VRK2: variants seen among roughly 807,000 people sequenced by gnomAD.
VRK2 encodes the protein serine/threonine-protein kinase VRK2.
In VRK2, 60 loss-of-function variants were observed where a neutral mutation model predicts 57.6. The ratio of observed to expected loss-of-function variants is 1.04; its 90% CI spans 0.85 to 1.29. The LOEUF (loss-of-function observed/expected upper bound fraction) is 1.29. Among genes scored for constraint, VRK2 ranks in the 50% most tolerant of loss-of-function variants. The pLI is 0.00. For missense variants in VRK2, 705 were observed against 588.1 expected (o/e 1.20, Z -2.06); for synonymous variants, 231 against 199.2 (o/e 1.16, Z -1.35).
chr2:58,085,802 T>TG (rs1425793884), intron 4 of VRK2, among the ~76,000 whole-genome samples: 4 of 151,788 alleles, frequency 2.6e-5, no homozygotes, highest in Middle Eastern at 3.2e-3. Context: ...GCTAGAGTCA[T>TG]GAAAAAAATG....
chr2:57,923,532 T>C (rs1404829926), intron 1 of VRK2, among the ~76,000 whole-genome samples: 2 of 151,930 alleles, frequency 1.3e-5, no homozygotes, highest in African/African-American at 4.8e-5. Context: ...TGTTTTTTTT[T>C]TGAGAAATGT....
At chr2:58,082,249 G>A (rs1442729959) in intron 2 of VRK2, among the ~76,000 whole-genome samples, 4 of 151,906 alleles carry the variant, frequency 2.6e-5, no homozygotes, top group East Asian at 1.9e-4. Flanking sequence ...TAGGCAAGGA[G>A]TCAGGCCTTG....
chr2:57,977,602 C>T (rs12463540), intron 1 of VRK2, among the ~76,000 whole-genome samples: 24,302 of 146,788 alleles, frequency 0.17, 2,941 homozygotes, highest in African/African-American at 0.3. Context: ...TTGTTTATGT[C>T]CTAGGAGACT....
intron 7 of VRK2, among the ~76,000 whole-genome samples, chr2:58,102,033 AAGT>A (rs1475229699): frequency 1.3e-5 from 2 of 151,632 alleles, no homozygotes; most frequent in African/African-American, 2.4e-5. Context: ...TATAGTAACT[AAGT>A]CATTTGTAGA....
chr2:58,046,963 G>A, intron 1 of VRK2, 95 bp downstream of exon 1: 4 of 985,444 alleles, frequency 4.1e-6, no homozygotes, highest in African/African-American at 1.7e-5. Flanking sequence ...TGCCGTCGGA[G>A]TTAGATGCCG....
intron 1 of VRK2, among the ~76,000 whole-genome samples, chr2:57,945,507 G>C (rs1205680022): frequency 6.6e-6 from 1 of 152,106 alleles, no homozygotes; most frequent in Non-Finnish European, 1.5e-5. Context: ...TACCTGTAAA[G>C]TTTGCTGAGA....
At chr2:58,060,424 C>T (rs1677153228) in intron 2 of VRK2, among the ~76,000 whole-genome samples, 2 of 151,536 alleles carry the variant, frequency 1.3e-5, no homozygotes, top group Non-Finnish European at 3.0e-5. Context: ...CCTGTTAAAT[C>T]CTGAAAGAGG....
intron 10 of VRK2, 98 bp from the exon 11 acceptor site, chr2:58,139,568 T>C: frequency 9.6e-7 from 1 of 1,040,556 alleles, no homozygotes; most frequent in Non-Finnish European, 1.4e-6. Context: ...GAGATGTAAA[T>C]GTGTAAAAGA....
At chr2:58,154,792 T>C in intron 12 of VRK2, 1 of 717,672 alleles carries the variant, frequency 1.4e-6, no homozygotes, top group South Asian at 1.5e-5. Context: ...GAACCCACTA[T>C]TTTTTCTAAT....
At chr2:58,008,508 G>A (rs188452456) in intron 1 of VRK2, among the ~76,000 whole-genome samples, 2 of 151,456 alleles carry the variant, frequency 1.3e-5, no homozygotes, top group East Asian at 3.9e-4. Context: ...TTTTTCCTGT[G>A]GTTAACAAAC....
intron 1 of VRK2, among the ~76,000 whole-genome samples, chr2:58,024,522 T>G (rs1673864797): frequency 6.6e-6 from 1 of 152,134 alleles, no homozygotes; most frequent in Admixed American, 6.5e-5. Context: ...GAGAAGAAAC[T>G]CCCACTGGCT....
chr2:58,149,055 G>C (rs970458612), intron 12 of VRK2, among the ~76,000 whole-genome samples: 13 of 151,772 alleles, frequency 8.6e-5, no homozygotes, highest in Non-Finnish European at 1.5e-5. Context: ...TTGACTGGGA[G>C]TACATTAAGT....
At chr2:58,012,403 C>T (rs1177246208) in intron 1 of VRK2, among the ~76,000 whole-genome samples, 2 of 152,204 alleles carry the variant, frequency 1.3e-5, no homozygotes, top group African/African-American at 4.8e-5. Context: ...GTAACATGAG[C>T]ACCACCCTTT....
At chr2:58,132,956 A>G (rs1353220093) in intron 9 of VRK2, among the ~76,000 whole-genome samples, 1 of 152,226 alleles carries the variant, frequency 6.6e-6, no homozygotes, top group African/African-American at 2.4e-5. Context: ...TGATGTGTCC[A>G]TATTAACTTT....
chr2:57,938,253 A>G (rs1224794405), intron 1 of VRK2, among the ~76,000 whole-genome samples: 1 of 152,182 alleles, frequency 6.6e-6, no homozygotes, highest in African/African-American at 2.4e-5. Flanking sequence ...TAACATAATA[A>G]TGTTCAATAA....
intron 2 of VRK2, among the ~76,000 whole-genome samples, chr2:58,030,136 GA>G: frequency 6.6e-6 from 1 of 152,010 alleles, no homozygotes; most frequent in Non-Finnish European, 1.5e-5. Context: ...TAGATTGTCT[GA>G]GGCCTCCTTT....
chr2:58,032,564 C>A (rs1674149622), intron 2 of VRK2, among the ~76,000 whole-genome samples: 1 of 151,994 alleles, frequency 6.6e-6, no homozygotes, highest in African/African-American at 2.4e-5. Context: ...TGGACTGACG[C>A]AGTTCTCCAT....
At chr2:58,100,339 A>T (rs1441523309) in intron 7 of VRK2, among the ~76,000 whole-genome samples, 1 of 152,004 alleles carries the variant, frequency 6.6e-6, no homozygotes, top group Non-Finnish European at 1.5e-5. Flanking sequence ...TTCTATATAT[A>T]AACAATATAA....
At chr2:58,137,090 G>GTTTA (rs1680315102) in intron 10 of VRK2, among the ~76,000 whole-genome samples, 1 of 120,102 alleles carries the variant, frequency 8.3e-6, no homozygotes, top group African/African-American at 3.3e-5. Context: ...ATATATATGT[G>GTTTA]TATATATCAT....
Sources: gnomAD v4.1 joint callset for allele counts (sites outside exome capture counted in the v4.1 genomes callset) on GRCh38, gnomAD v4.1.1 for gene constraint, MANE v1.5 for transcripts, NCBI Gene and HGNC (gene_info 2026-07-23, HGNC 2026-07-21) for gene names.